Variants in C12orf50 observed in about 807,000 individuals in gnomAD.
The protein encoded by C12orf50 is uncharacterized protein C12orf50.
In C12orf50, 35 loss-of-function variants were observed where a neutral mutation model predicts 61.6. The observed-to-expected ratio is 0.57, with a 90% CI of 0.43 to 0.75. The LOEUF (loss-of-function observed/expected upper bound fraction) is 0.75, where lower values mean the gene tolerates loss of function less well. Among genes scored for constraint, C12orf50 ranks in the 30% least tolerant of loss-of-function variants. The pLI, the probability that C12orf50 is intolerant of heterozygous loss-of-function variation, is 0.00. For synonymous variants in C12orf50, 178 were observed against 161.5 expected (o/e 1.10, Z -0.77); for missense variants, 475 against 488.5 (o/e 0.97, Z 0.26).
At chr12:87,998,237 G>A (rs1031674686) in intron 3 of C12orf50, 47 bp from the exon 4 acceptor site, 2 of 1,473,890 alleles carry the variant, frequency 1.4e-6, no homozygotes. Context: ...TATATGTGAT[G>A]ATAAGTAGAT....
intron 7 of C12orf50, among the ~76,000 whole-genome samples, chr12:87,990,870 A>G (rs1592651186): frequency 1.3e-5 from 2 of 152,282 alleles, no homozygotes; most frequent in East Asian, 1.9e-4. Flanking sequence ...TGACTCCCAT[A>G]CTTTTCAGGT....
intron 4 of C12orf50, among the ~76,000 whole-genome samples, chr12:87,997,564 C>T (rs904871641): frequency 1.3e-5 from 2 of 152,072 alleles, no homozygotes; most frequent in African/African-American, 4.8e-5. Context: ...CCTCCCCTGG[C>T]CCTCCACCCC....
intron 3 of C12orf50, among the ~76,000 whole-genome samples, chr12:88,015,347 C>A (rs1048917375): frequency 2.0e-5 from 3 of 152,190 alleles, no homozygotes; most frequent in African/African-American, 7.2e-5. Context: ...ATAATAAACA[C>A]AGAGGCTAGA....
chr12:88,014,568 G>A (rs1408537486), intron 3 of C12orf50, among the ~76,000 whole-genome samples: 1 of 152,144 alleles, frequency 6.6e-6, no homozygotes, highest in Admixed American at 6.5e-5. Flanking sequence ...CAAAGTGCTG[G>A]GATTGCAGGC....
chr12:88,000,074 G>A (rs1390927409), intron 3 of C12orf50, among the ~76,000 whole-genome samples: 7 of 152,036 alleles, frequency 4.6e-5, no homozygotes, highest in African/African-American at 1.7e-4. Context: ...TTGTTTTTTG[G>A]AGTGATCCAA....
At chr12:88,014,945 T>C (rs2032255885) in intron 3 of C12orf50, among the ~76,000 whole-genome samples, 1 of 152,220 alleles carries the variant, frequency 6.6e-6, no homozygotes, top group African/African-American at 2.4e-5. Context: ...TTCTTAAACA[T>C]GACTAACAAA....
intron 3 of C12orf50, among the ~76,000 whole-genome samples, chr12:88,008,105 T>A (rs1296675032): frequency 6.6e-6 from 1 of 152,126 alleles, no homozygotes; most frequent in Non-Finnish European, 1.5e-5. Context: ...ACGTGCAGGT[T>A]TGTTATATAG....
At chr12:88,008,818 T>C (rs887613915) in intron 3 of C12orf50, among the ~76,000 whole-genome samples, 2 of 152,176 alleles carry the variant, frequency 1.3e-5, no homozygotes, top group Non-Finnish European at 2.9e-5. Context: ...TGTAATCACT[T>C]TTTGTTTGTC....
chr12:88,023,492 G>A lies in C12orf50; in HGVS notation c.133+2996C>T, dbSNP rs1014880915. ...GTCCTGGCCAACATGGTGAAACTTC[G>A]TCTCTACTAAAAAAAAAAAAAAAAA... On this transcript the variant is annotated intron_variant, in intron 3 of 12. Coordinates refer to ENST00000298699, the MANE Select transcript of C12orf50 (RefSeq NM_152589.3). Among the ~76,000 whole-genome samples, 15 of 145,054 alleles carry A rather than the reference G, an allele frequency of 1.0e-4. No homozygotes were observed. The South Asian group carries it at 1.1e-3, about 10-fold the overall frequency.
upstream of C12orf50, among the ~76,000 whole-genome samples, chr12:88,029,790 A>G (rs1309842986): frequency 1.3e-5 from 2 of 152,108 alleles, no homozygotes; most frequent in African/African-American, 4.8e-5. Context: ...ACTCTCTACT[A>G]TCCATTGATT....
At chr12:88,005,634 T>C (rs75158535) in intron 3 of C12orf50, among the ~76,000 whole-genome samples, 394 of 152,262 alleles carry the variant, frequency 2.6e-3, no homozygotes, top group Non-Finnish European at 4.6e-3. Context: ...ATGTTATTTA[T>C]TTTATTTATT....
At chr12:88,027,907 G>C (rs1019739458) in intron 1 of C12orf50, 7 of 152,010 alleles carry the variant, frequency 4.6e-5, no homozygotes, top group African/African-American at 1.7e-4. Context: ...TGTTAAAGTA[G>C]ATCCATATAC....
At chr12:88,014,843 A>G (rs1026390627) in intron 3 of C12orf50, among the ~76,000 whole-genome samples, 15 of 152,232 alleles carry the variant, frequency 9.9e-5, no homozygotes, top group Non-Finnish European at 1.9e-4. Context: ...AACACTGGGT[A>G]TGTGATTTTC....
Position 88,026,538 on chromosome 12 carries a change from T to G in C12orf50, c.83A>C (p.Tyr28Ser). Reference sequence around the variant, plus strand: ...ATTGATATTTCGAGGTTTGCTGTGATAAAAGATACAGCTGATCTTCACACA... The same window carrying G: ...ATTGATATTTCGAGGTTTGCTGTGAGAAAAGATACAGCTGATCTTCACACA... ...LGCVKISCIF[Y>S]HSKPRNINGL... The change falls in exon 3 of 13, where the codon TAT (tyrosine) becomes TCT (serine). Residue 28 changes from tyrosine to serine, a missense_variant. By Grantham distance (144) the Tyr-to-Ser change is moderately radical (BLOSUM62 -2). Coordinates refer to ENST00000298699, the MANE Select transcript of C12orf50 (RefSeq NM_152589.3). The G allele has an allele frequency of 6.2e-7, 1 of 1,613,932 alleles. No individual in the cohort carries two copies. Among genetic ancestry groups the G allele is most frequent in the Non-Finnish European group, 8.5e-7 (1 of 1,179,958 alleles).
At chr12:88,029,593 T>C (rs1055473988), upstream of C12orf50, among the ~76,000 whole-genome samples, 1 of 152,074 alleles carries the variant, frequency 6.6e-6, no homozygotes, top group African/African-American at 2.4e-5. Context: ...TCTTTCAATG[T>C]TCTCGTTGAA....
intron 3 of C12orf50, among the ~76,000 whole-genome samples, chr12:88,020,367 A>G (rs2032470307): frequency 6.6e-6 from 1 of 152,222 alleles, no homozygotes; most frequent in South Asian, 2.1e-4. Flanking sequence ...AAGCAAATGG[A>G]AAACAAAAAA....
intron 1 of C12orf50, 45 bp downstream of exon 1, chr12:88,029,295 A>G (rs556232355): frequency 8.8e-6 from 2 of 227,772 alleles, no homozygotes; most frequent in East Asian, 1.1e-4. Flanking sequence ...TTGACAGTAT[A>G]TTACGCAATA....
At chr12:88,012,789 G>C (rs933889262) in intron 3 of C12orf50, among the ~76,000 whole-genome samples, 1 of 152,156 alleles carries the variant, frequency 6.6e-6, no homozygotes, top group African/African-American at 2.4e-5. Flanking sequence ...ATGGGGAAGG[G>C]TGCAGTGGTT....
At chr12:88,015,018 C>T (rs565371893) in intron 3 of C12orf50, among the ~76,000 whole-genome samples, 57 of 151,998 alleles carry the variant, frequency 3.8e-4, no homozygotes, top group Non-Finnish European at 8.2e-4. Flanking sequence ...TTTTGATGCT[C>T]TTTGGACCTT....
Sources: gnomAD v4.1 joint callset for allele counts (sites outside exome capture counted in the v4.1 genomes callset) on GRCh38, gnomAD v4.1.1 for gene constraint, MANE v1.5 for transcripts, NCBI Gene and HGNC (gene_info 2026-07-23, HGNC 2026-07-21) for gene names.